The following ONECUT2 variants were observed in gnomAD, a reference collection of about 807,000 sequenced individuals.
The protein encoded by ONECUT2 is one cut homeobox 2, also known as one cut domain family member 2.
A neutral mutation model predicts 27.9 loss-of-function variants in ONECUT2; 10 were observed. The ratio of observed to expected loss-of-function variants is 0.36; its 90% CI spans 0.22 to 0.61. The LOEUF is 0.61. Ranked by LOEUF, ONECUT2 falls within the 20% of genes least tolerant of loss-of-function variation. The pLI is 0.73. For synonymous variants in ONECUT2, 334 were observed against 315.1 expected, an observed-to-expected ratio of 1.06 and a Z score of -0.64; for missense variants, 686 against 721.0, an observed-to-expected ratio of 0.95 and a Z score of 0.56.
At chr18:57,449,145 C>T (rs2050216176) in intron 1 of ONECUT2, among the ~76,000 whole-genome samples, 1 of 152,186 alleles carries the variant, frequency 6.6e-6, no homozygotes, top group South Asian at 2.1e-4. Flanking sequence ...ATAGATGTCC[C>T]TGCTTTTGTG....
chr18:57,444,400 C>T (rs4060160), intron 1 of ONECUT2: 17 of 456,740 alleles, frequency 3.7e-5, no homozygotes, highest in South Asian at 1.9e-4. Context: ...CAGGCAGCAG[C>T]AGCTCCTTGA....
At chr18:57,449,618 G>A (rs1372815334) in intron 1 of ONECUT2, among the ~76,000 whole-genome samples, 4 of 152,178 alleles carry the variant, frequency 2.6e-5, no homozygotes, top group African/African-American at 7.2e-5. Flanking sequence ...CTAGACTAAG[G>A]ACCCATTTTG....
chr18:57,474,878 G>A (rs1465630665), intron 1 of ONECUT2, among the ~76,000 whole-genome samples: 1 of 152,092 alleles, frequency 6.6e-6, no homozygotes, highest in Non-Finnish European at 1.5e-5. Flanking sequence ...CCAGTCTTGG[G>A]GGAATGTCAG....
Position 57,460,687 on chromosome 18 carries a change from CTT to C in ONECUT2, c.1229-15731_1229-15730del, listed in dbSNP as rs66773926. Reference sequence around the variant, plus strand: ...GGCACAGAGTTCTATTCATTCAAATCTTTTTTTTTTTTTTTTTTTTGAGATGG... The same window carrying C: ...GGCACAGAGTTCTATTCATTCAAATCTTTTTTTTTTTTTTTTTTGAGATGG... On this transcript the variant is annotated intron_variant, in intron 1 of 1. Transcript: ENST00000491143. Among the ~76,000 whole-genome samples, 486 of 112,942 alleles carry C rather than the reference CTT, an allele frequency of 4.3e-3. 3 individuals are homozygous for C. Among genetic ancestry groups the C allele is most frequent in the Admixed American group, 0.025 (245 of 9,836 alleles). The allele number at this position is 112,942 out of a possible 152,430, so 74.1% of individuals were successfully genotyped here.
chr18:57,439,411 G>A (rs955318063), intron 1 of ONECUT2, among the ~76,000 whole-genome samples: 2 of 152,246 alleles, frequency 1.3e-5, no homozygotes, highest in Admixed American at 6.5e-5. Flanking sequence ...TCAAATGTGT[G>A]TCTGTTTTAT....
Position 57,483,339 on chromosome 18 carries a change from C to T in ONECUT2, c.*6616C>T, listed in dbSNP as rs1342290843. On this transcript the variant is annotated 3_prime_UTR_variant, in exon 2 of 2. Coordinates refer to ENST00000491143, the MANE Select transcript of ONECUT2 (RefSeq NM_004852.3). ...AAGTTTTAGAGGTTATAATTTCCTG[C>T]TTTGTTTTTATTTAGACTATCAAAT... is the stretch of plus-strand genomic sequence containing the variant. The T allele has an allele frequency of 6.6e-6, 1 of 152,400 alleles. No homozygotes were observed. Among genetic ancestry groups the T allele is most frequent in the Non-Finnish European group, 1.5e-5 (1 of 68,000 alleles). The allele number at this position is 152,400 out of a possible 1,614,324, so 9.4% of individuals were successfully genotyped here.
At chr18:57,453,301 G>C (rs902757608) in intron 1 of ONECUT2, among the ~76,000 whole-genome samples, 1 of 152,142 alleles carries the variant, frequency 6.6e-6, no homozygotes, top group Non-Finnish European at 1.5e-5. Context: ...CTGTACTCAC[G>C]TAGATATCTT....
chr18:57,450,822 G>GA (rs1230272668), intron 1 of ONECUT2, among the ~76,000 whole-genome samples: 8 of 151,618 alleles, frequency 5.3e-5, no homozygotes, highest in African/African-American at 9.7e-5. Context: ...TACCTGTGAA[G>GA]AAAAAAAACA....
chr18:57,474,823 G>C (rs1290361084), intron 1 of ONECUT2, among the ~76,000 whole-genome samples: 3 of 152,202 alleles, frequency 2.0e-5, no homozygotes, highest in African/African-American at 7.2e-5. Flanking sequence ...ATACAAGCCA[G>C]TGCTTTGAGA....
chr18:57,484,814 G>C lies in ONECUT2; in HGVS notation c.*8091G>C, dbSNP rs2050430995. ...CACATGCCTCCTGGTTCCTGCCCCA[G>C]TGCTCCGCTTATTGTACAGTGCTAC... On this transcript the variant is annotated 3_prime_UTR_variant, in exon 2 of 2. Transcript: ENST00000491143. The C allele has an allele frequency of 6.6e-6, 1 of 152,312 alleles. No homozygotes were observed. The highest frequency in any genetic ancestry group is 2.1e-4 in the South Asian group (1 of 4,820). The allele number at this position is 152,312 out of a possible 1,614,324, so 9.4% of individuals were successfully genotyped here. A position where few individuals can be genotyped will look rare whatever the true frequency, so the allele number is the denominator to read the frequency against.
At position 57,437,461 on chromosome 18, in the gene ONECUT2, C is replaced by T. The variant is rs572112873; in HGVS notation, c.1228+517C>T. ...TTTGCTCTGCAGAGGGAAAAGAGCT[C>T]TCTACTCTCCCACCCACCATATAGG... On this transcript the variant is annotated intron_variant, in intron 1 of 1. Transcript: ENST00000491143. Among the ~76,000 whole-genome samples, 10 of 152,370 alleles carry T rather than the reference C, an allele frequency of 6.6e-5. No individual in the cohort carries two copies. The South Asian group carries it at 1.4e-3, about 22-fold the overall frequency.
intron 1 of ONECUT2, among the ~76,000 whole-genome samples, chr18:57,462,920 C>T (rs141701605): frequency 0.01 from 1,570 of 151,880 alleles, 11 homozygotes; most frequent in Non-Finnish European, 0.015. Flanking sequence ...TTAGTAGACA[C>T]GGAGTTTTAC....
intron 1 of ONECUT2, among the ~76,000 whole-genome samples, chr18:57,475,218 A>G (rs1264723827): frequency 6.6e-6 from 1 of 151,732 alleles, no homozygotes; most frequent in African/African-American, 2.4e-5. Flanking sequence ...CACCATGCCC[A>G]GCTATTTTTT....
chr18:57,450,203 G>A (rs537905561), intron 1 of ONECUT2, among the ~76,000 whole-genome samples: 7 of 152,146 alleles, frequency 4.6e-5, no homozygotes, highest in South Asian at 2.1e-4. Context: ...ATCTGGAGCC[G>A]TACTTTGTCA....
In ONECUT2 at chr18:57,485,321, A is replaced by C. The variant is rs2050432864; in HGVS notation, c.*8598A>C. The C allele has an allele frequency of 6.6e-6, 1 of 152,196 alleles. No homozygotes were observed. The highest frequency in any genetic ancestry group is 1.5e-5 in the Non-Finnish European group (1 of 68,022). The allele number at this position is 152,196 out of a possible 1,614,324, so 9.4% of individuals were successfully genotyped here. A position where few individuals can be genotyped will look rare whatever the true frequency, so the allele number is the denominator to read the frequency against. On this transcript the variant is annotated 3_prime_UTR_variant, in exon 2 of 2. Coordinates refer to ENST00000491143, the MANE Select transcript of ONECUT2 (RefSeq NM_004852.3). Reference sequence around the variant, plus strand: ...AAGCCAACTCTGTATTTATGAGAGAAGTTTAAGCCTTACATCATTTGATAC... The same window carrying C: ...AAGCCAACTCTGTATTTATGAGAGACGTTTAAGCCTTACATCATTTGATAC...
In ONECUT2 at chr18:57,478,182, G is replaced by C. The variant is rs1037222346; in HGVS notation, c.*1459G>C. 4.6e-5 allele frequency: 7 copies of C among 152,638 alleles called. No homozygotes were observed. Among genetic ancestry groups the C allele is most frequent in the African/African-American group, 1.4e-4 (6 of 41,458 alleles). 9.5% of individuals were successfully genotyped at this position (152,638 alleles called of 1,614,324 possible). Reference sequence around the variant, plus strand: ...CCAAGGACATTAGCCAAGCCACCCAGAGGGGTGGCTTTGCCACACCAGTTG... The same window carrying C: ...CCAAGGACATTAGCCAAGCCACCCACAGGGGTGGCTTTGCCACACCAGTTG... On this transcript the variant is annotated 3_prime_UTR_variant, in exon 2 of 2. Transcript: ENST00000491143.
chr18:57,446,473 G>C (rs1215566481), intron 1 of ONECUT2, among the ~76,000 whole-genome samples: 1 of 152,124 alleles, frequency 6.6e-6, no homozygotes, highest in African/African-American at 2.4e-5. Context: ...TGGAAGAAAG[G>C]TTTCAAGTGG....
rs1459690420 is a variant in ONECUT2, at chr18:57,436,229, C to T, written c.513C>T (p.His171=). 3.7e-6 allele frequency: 6 copies of T among 1,603,604 alleles called. No individual in the cohort carries two copies. The Admixed American group carries it at 5.1e-5, about 14-fold the overall frequency. ...STVSDKFHHP[H]PHHHPHHHHH... Reference sequence around the variant, plus strand: ...TGTCTGACAAGTTCCACCACCCTCACCCGCACCACCATCCGCACCACCACC... The same window carrying T: ...TGTCTGACAAGTTCCACCACCCTCATCCGCACCACCATCCGCACCACCACC... Residue 171 remains histidine (H), a synonymous_variant, in exon 1 of 2, where the codon CAC becomes CAT. Coordinates refer to ENST00000491143, the MANE Select transcript of ONECUT2 (RefSeq NM_004852.3). The surrounding 1 kb of genome is among the most constrained non-coding windows in gnomAD (Gnocchi z 5.9).
chr18:57,460,586 T>C (rs2050285001), intron 1 of ONECUT2, among the ~76,000 whole-genome samples: 1 of 152,184 alleles, frequency 6.6e-6, no homozygotes, highest in African/African-American at 2.4e-5. Flanking sequence ...GCCTTCCTTG[T>C]ATTTTCACTT....
Sources: allele counts gnomAD v4.1 joint callset (sites outside exome capture counted in the v4.1 genomes callset), GRCh38; gene constraint gnomAD v4.1.1; non-coding constraint Gnocchi (gnomAD v3.1); transcripts MANE v1.5; gene names NCBI Gene and HGNC (gene_info 2026-07-23, HGNC 2026-07-21).